The following TRAPPC10 variants were observed in gnomAD, a reference collection of about 807,000 sequenced individuals.
TRAPPC10 encodes the protein TRAPP 130 kDa subunit.
In TRAPPC10, 23 loss-of-function variants were observed where a neutral mutation model predicts 125.5. The ratio of observed to expected loss-of-function variants is 0.18; its 90% confidence interval spans 0.13 to 0.26. The LOEUF (loss-of-function observed/expected upper bound fraction) is 0.26, where lower values mean the gene tolerates loss of function less well. Ranked by LOEUF, TRAPPC10 falls within the 10% of genes least tolerant of loss-of-function variation. TRAPPC10 has a pLI of 1.00. For missense variants in TRAPPC10, 1,123 were observed against 1,308.4 expected, an observed-to-expected ratio of 0.86 and a Z score of 2.19; for synonymous variants, 509 against 518.0, an observed-to-expected ratio of 0.98 and a Z score of 0.24.
chr21:44,037,408 C>T (rs1308639457), intron 2 of TRAPPC10, among the ~76,000 whole-genome samples: 4 of 152,154 alleles, frequency 2.6e-5, no homozygotes, highest in East Asian at 1.9e-4. Flanking sequence ...CTAAAGCTTT[C>T]GTAATTAAAA....
intron 13 of TRAPPC10, among the ~76,000 whole-genome samples, chr21:44,081,847 A>G (rs1489872298): frequency 1.3e-5 from 2 of 152,102 alleles, no homozygotes; most frequent in African/African-American, 2.4e-5. Context: ...CCACTATACT[A>G]TAGCCTGGGC....
intron 1 of TRAPPC10, among the ~76,000 whole-genome samples, chr21:44,013,483 G>A (rs3788098): frequency 0.36 from 54,657 of 151,978 alleles, 15,439 homozygotes; most frequent in African/African-American, 0.79. Flanking sequence ...GTTGTCTTTC[G>A]TGCTTGGAAA....
At chr21:44,034,187 A>G (rs1019191576) in intron 2 of TRAPPC10, among the ~76,000 whole-genome samples, 13 of 152,140 alleles carry the variant, frequency 8.5e-5, no homozygotes, top group Non-Finnish European at 1.3e-4. Flanking sequence ...ATTTCTGACA[A>G]GGGACAAAGT....
Position 44,084,206 on chromosome 21 carries a change from A to G in TRAPPC10, c.2323A>G (p.Ile775Val), listed in dbSNP as rs2037964250. 3.7e-6 allele frequency: 6 copies of G among 1,613,934 alleles called. No individual in the cohort carries two copies. Among genetic ancestry groups the G allele is most frequent in the African/African-American group, 2.7e-5 (2 of 74,900 alleles). Residue 775 changes from isoleucine to valine, a missense_variant, in exon 15 of 23, where the codon ATT (isoleucine) becomes GTT (valine). By Grantham distance (29) the Ile-to-Val change is conservative. Coordinates refer to ENST00000291574, the MANE Select transcript of TRAPPC10 (RefSeq NM_003274.5). ...GTTCGTCCTCCCTCACATCTACCCC[A>G]TTGTGCAGTACGACGTGTACTCACA... ...VWFVLPHIYP[I>V]VQYDVYSQEP...
intron 1 of TRAPPC10, among the ~76,000 whole-genome samples, chr21:44,025,862 G>GTGTGTGTGTGTC (rs2033008219): frequency 6.8e-6 from 1 of 146,920 alleles, no homozygotes; most frequent in Non-Finnish European, 1.5e-5. Flanking sequence ...GTGTGTGTGT[G>GTGTGTGTGTGTC]TGTGTGTGTG....
chr21:44,076,514 T>A, intron 9 of TRAPPC10, 38 bp from the exon 10 acceptor site: 1 of 1,519,360 alleles, frequency 6.6e-7, no homozygotes, highest in Non-Finnish European at 9.1e-7. Context: ...CTGGACATGA[T>A]GAAGATGAAG....
At chr21:44,075,014 T>G (rs1213458118) in intron 8 of TRAPPC10, 25 bp from the exon 9 acceptor site, 10 of 1,498,182 alleles carry the variant, frequency 6.7e-6, no homozygotes, top group Non-Finnish European at 9.2e-6. Flanking sequence ...GCAAATTAAT[T>G]GAAATTGTGG....
At chr21:44,018,364 C>T (rs953674767) in intron 1 of TRAPPC10, among the ~76,000 whole-genome samples, 1 of 150,712 alleles carries the variant, frequency 6.6e-6, no homozygotes. Context: ...GTGATTGTAC[C>T]TCACACTGCA....
At chr21:44,014,281 G>A (rs1026814139) in intron 1 of TRAPPC10, among the ~76,000 whole-genome samples, 3 of 152,092 alleles carry the variant, frequency 2.0e-5, no homozygotes, top group African/African-American at 7.2e-5. Flanking sequence ...TTGTACATGC[G>A]TGCATCACGG....
chr21:44,041,597 C>G (rs1174658390), intron 3 of TRAPPC10, among the ~76,000 whole-genome samples: 2 of 152,110 alleles, frequency 1.3e-5, no homozygotes, highest in Admixed American at 1.3e-4. Context: ...GTCTCAAACT[C>G]CCGACCTCAG....
chr21:44,031,403 A>G (rs2033569041), intron 1 of TRAPPC10, among the ~76,000 whole-genome samples: 1 of 152,214 alleles, frequency 6.6e-6, no homozygotes, highest in Admixed American at 6.5e-5. Flanking sequence ...ATTTCTATTA[A>G]AGCAAAGATA....
chr21:44,012,371 T>C lies in TRAPPC10; in HGVS notation c.-123T>C, dbSNP rs2031193458. 2.4e-6 allele frequency: 1 copy of C among 419,874 alleles called. No homozygotes were observed. The highest frequency in any genetic ancestry group is 3.2e-6 in the Non-Finnish European group (1 of 313,240). 26.0% of individuals were successfully genotyped at this position (419,874 alleles called of 1,614,324 possible). ...GGGCGGCAGCTGCGGCGCAACCGGCTCCGGAGCTGCCTGGCGCGGCCGGGC... is the reference window on the plus strand; with the variant it reads ...GGGCGGCAGCTGCGGCGCAACCGGCCCCGGAGCTGCCTGGCGCGGCCGGGC... On this transcript the variant is annotated 5_prime_UTR_variant, in exon 1 of 23. Coordinates refer to ENST00000291574, the MANE Select transcript of TRAPPC10 (RefSeq NM_003274.5).
chr21:44,050,720 G>C lies in TRAPPC10; in HGVS notation c.286-1560G>C, dbSNP rs2035176451. Among the ~76,000 whole-genome samples, 4 of 152,346 alleles carry C rather than the reference G, an allele frequency of 2.6e-5. No homozygotes were observed. In the South Asian group the frequency reaches 8.3e-4, roughly 32 times the overall value. ...GTTGGGTATTTATTTGCAGGAAATT[G>C]AGTTTACCAGTTGGTTTTAATCTCA... On this transcript the variant is annotated intron_variant, in intron 3 of 22. Coordinates refer to ENST00000291574, the MANE Select transcript of TRAPPC10 (RefSeq NM_003274.5).
intron 7 of TRAPPC10, among the ~76,000 whole-genome samples, chr21:44,066,729 A>G (rs1301903713): frequency 1.3e-5 from 2 of 152,180 alleles, no homozygotes; most frequent in African/African-American, 4.8e-5. Flanking sequence ...GAATTCTTCA[A>G]AATTCTTTGC....
chr21:44,048,978 C>G (rs1286848235), intron 3 of TRAPPC10, among the ~76,000 whole-genome samples: 1 of 152,124 alleles, frequency 6.6e-6, no homozygotes, highest in Non-Finnish European at 1.5e-5. Flanking sequence ...AATTTGGCTT[C>G]TGTACTGATG....
At position 44,012,414 on chromosome 21, in the gene TRAPPC10, C is replaced by A; in HGVS notation, c.-80C>A. The A allele has an allele frequency of 1.1e-6, 1 of 926,706 alleles. No homozygotes were observed. Among genetic ancestry groups the A allele is most frequent in the Non-Finnish European group, 1.3e-6 (1 of 760,406 alleles). 57.4% of individuals were successfully genotyped at this position (926,706 alleles called of 1,614,324 possible). A position where few individuals can be genotyped will look rare whatever the true frequency, so the allele number is the denominator to read the frequency against. On this transcript the variant is annotated 5_prime_UTR_variant, in exon 1 of 23. Coordinates refer to ENST00000291574, the MANE Select transcript of TRAPPC10 (RefSeq NM_003274.5). ...GGCCGGGCGGGCGGCGCCGCTCAGGCTCGGGCTCCGGCTGGGCCCGGCGCG... is the reference window on the plus strand; with the variant it reads ...GGCCGGGCGGGCGGCGCCGCTCAGGATCGGGCTCCGGCTGGGCCCGGCGCG...
chr21:44,027,580 T>C (rs1484381154), intron 1 of TRAPPC10, among the ~76,000 whole-genome samples: 7 of 152,138 alleles, frequency 4.6e-5, no homozygotes, highest in Admixed American at 4.6e-4. Flanking sequence ...TGGCGCTCAT[T>C]TGCTTGATGT....
chr21:44,075,304 C>T, intron 9 of TRAPPC10, 151 bp downstream of exon 9: 1 of 604,132 alleles, frequency 1.7e-6, no homozygotes. Flanking sequence ...TGGATTAAAG[C>T]ACATGATAGT....
chr21:44,087,606 G>A lies in TRAPPC10; in HGVS notation c.2540-93G>A. On this transcript the variant is annotated intron_variant, in intron 16 of 22. Transcript: ENST00000291574. This position sits in a 1 kb window ranked among gnomAD's most constrained non-coding sequence, Gnocchi z 4.6. ...GCGCAGGAGCGGGAGAGGTTGAGCA[G>A]TGGCCTCACTGCTGGGCCATCACCT... 1 of 1,130,274 alleles carries A rather than the reference G, an allele frequency of 8.8e-7. No homozygotes were observed. Among genetic ancestry groups the A allele is most frequent in the Non-Finnish European group, 1.3e-6 (1 of 767,292 alleles). The allele number at this position is 1,130,274 out of a possible 1,614,324, so 70.0% of individuals were successfully genotyped here.
Sources: gnomAD v4.1 joint callset for allele counts (sites outside exome capture counted in the v4.1 genomes callset) on GRCh38, gnomAD v4.1.1 for gene constraint, Gnocchi (gnomAD v3.1) non-coding constraint, MANE v1.5 for transcripts, NCBI Gene and HGNC (gene_info 2026-07-23, HGNC 2026-07-21) for gene names.